PTPRU: variants seen among roughly 807,000 people sequenced by gnomAD.
The protein encoded by PTPRU is protein tyrosine phosphatase receptor type U, also known as receptor-type tyrosine-protein phosphatase U.
In PTPRU, 69 loss-of-function variants were observed where a neutral mutation model predicts 166.3. The observed-to-expected ratio is 0.41, with a 90% confidence interval of 0.34 to 0.51. The LOEUF is 0.51. Among genes scored for constraint, PTPRU ranks in the 20% least tolerant of loss-of-function variants. The pLI is 0.09. For synonymous variants in PTPRU, 793 were observed against 814.0 expected (o/e 0.97, Z 0.44); for missense variants, 1,657 against 2,013.7 (o/e 0.82, Z 3.39).
intron 14 of PTPRU, chr1:29,289,797 C>CT: frequency 6.7e-7 from 1 of 1,497,508 alleles, no homozygotes; most frequent in Non-Finnish European, 9.2e-7. Context: ...TGGGCTTAGT[C>CT]TCGCTGCACC....
In PTPRU at chr1:29,303,913, G is replaced by A; in HGVS notation, c.2535G>A (p.Arg845=). ...GCAGCCTCCTGGGGGGCTCCCCGAG[G>A]CGTCCCTGTGGCCGGAAGGGCTCCC... ...EASSLLGGSP[R]RPCGRKGSPY... The change falls in exon 16 of 30, where the codon AGG becomes AGA. Residue 845 remains arginine (R), a synonymous_variant. Coordinates refer to ENST00000373779, the MANE Select transcript of PTPRU (RefSeq NM_133178.4). The A allele has an allele frequency of 1.9e-6, 3 of 1,613,866 alleles. No individual in the cohort carries two copies. Among genetic ancestry groups the A allele is most frequent in the Non-Finnish European group, 2.5e-6 (3 of 1,179,764 alleles).
In PTPRU at chr1:29,274,031, G is replaced by A. The variant is rs145070249; in HGVS notation, c.1145-1417G>A. 8.4e-3 allele frequency among the ~76,000 whole-genome samples: 1,275 copies of A among 152,164 alleles called. 20 individuals are homozygous for A. The highest frequency in any genetic ancestry group is 0.029 in the African/African-American group (1,215 of 41,526). On this transcript the variant is annotated intron_variant, in intron 7 of 29. Coordinates refer to ENST00000373779, the MANE Select transcript of PTPRU (RefSeq NM_133178.4). ...GATTACAAGGATTAAATGAGATAAA[G>A]CATTTTTTGTTTTTTTTGGGACGGA...
intron 1 of PTPRU, among the ~76,000 whole-genome samples, chr1:29,246,739 C>T (rs1352704140): frequency 6.6e-6 from 1 of 152,104 alleles, no homozygotes; most frequent in African/African-American, 2.4e-5. Context: ...CCTCCGCCTC[C>T]TGAGTAGCTG....
intron 8 of PTPRU, among the ~76,000 whole-genome samples, chr1:29,277,352 T>C (rs750344644): frequency 5.9e-5 from 9 of 152,154 alleles, no homozygotes; most frequent in Non-Finnish European, 7.4e-5. Flanking sequence ...CTGCCCACCT[T>C]GGCCCTGCAA....
At position 29,255,306 on chromosome 1, in the gene PTPRU, A is replaced by G. The variant is rs770459736; in HGVS notation, c.105A>G (p.Pro35=). 1 of 1,614,092 alleles carries G rather than the reference A, an allele frequency of 6.2e-7. No homozygotes were observed. Among genetic ancestry groups the G allele is most frequent in the Non-Finnish European group, 8.5e-7 (1 of 1,179,988 alleles). Residue 35 remains proline (P), a synonymous_variant, in exon 2 of 30, where the codon CCA becomes CCG. Transcript: ENST00000373779. ...GCACCTTCGAGGAGGCAAGTGACCC[A>G]GCAGTGCCCTGCGAGTACAGCCAGG... is the stretch of plus-strand genomic sequence containing the variant. ...AGCTFEEASD[P]AVPCEYSQAQ...
In PTPRU at chr1:29,270,961, CACAA is replaced by C. The variant is rs775945215; in HGVS notation, c.1145-4477_1145-4474del. ...TGAGACTGTGTCTCAAAAAAACAAA[CACAA>C]ACAAACAAAGAAAAAAAAGAACTAA... is the stretch of plus-strand genomic sequence containing the variant. On this transcript the variant is annotated intron_variant, in intron 7 of 29. Transcript: ENST00000373779. Among the ~76,000 whole-genome samples, 7 of 152,076 alleles carry C rather than the reference CACAA, an allele frequency of 4.6e-5. No homozygotes were observed. The South Asian group carries it at 6.2e-4, about 14-fold the overall frequency.
At chr1:29,304,468 C>T (rs957102560) in intron 16 of PTPRU, among the ~76,000 whole-genome samples, 4 of 152,152 alleles carry the variant, frequency 2.6e-5, no homozygotes, top group Non-Finnish European at 5.9e-5. Flanking sequence ...CTAAATCTGA[C>T]CTCACCTTTA....
intron 28 of PTPRU, 107 bp downstream of exon 28, chr1:29,323,895 A>C: frequency 1.5e-6 from 2 of 1,350,992 alleles, no homozygotes; most frequent in South Asian, 3.0e-5. Flanking sequence ...GCTGGCACCG[A>C]AACCCCTGGG....
chr1:29,320,903 C>T lies in PTPRU; in HGVS notation c.3828+78C>T. ...GTATTCAGGGCCATGGTCCCCAAAG[C>T]CAAAAGTTGGGTCCCAGCTCTGCCA... On this transcript the variant is annotated intron_variant, in intron 26 of 29. Coordinates refer to ENST00000373779, the MANE Select transcript of PTPRU (RefSeq NM_133178.4). This position sits in a 1 kb window ranked among gnomAD's most constrained non-coding sequence, Gnocchi z 5.2. 1 of 1,390,790 alleles carries T rather than the reference C, an allele frequency of 7.2e-7. No individual in the cohort carries two copies. The allele number at this position is 1,390,790 out of a possible 1,614,324, so 86.2% of individuals were successfully genotyped here.
At chr1:29,258,818 G>A (rs1261453487) in intron 3 of PTPRU, 42 bp downstream of exon 3, 2 of 1,527,396 alleles carry the variant, frequency 1.3e-6, no homozygotes, top group Admixed American at 2.2e-5. Context: ...GCCTGGAGGT[G>A]GGGCAGATGG....
chr1:29,236,728 G>T lies in PTPRU; in HGVS notation c.73+11G>T. On this transcript the variant is annotated intron_variant, in intron 1 of 29. Coordinates refer to ENST00000373779, the MANE Select transcript of PTPRU (RefSeq NM_133178.4). The surrounding 1 kb of genome is among the most constrained non-coding windows in gnomAD (Gnocchi z 4.6). ...CCGAGACTCCGGCAGGTAAGCGCGCGGCGGCCGGACCGAGCCTGCCCCGCC... is the reference window on the plus strand; with the variant it reads ...CCGAGACTCCGGCAGGTAAGCGCGCTGCGGCCGGACCGAGCCTGCCCCGCC... 1 of 1,425,666 alleles carries T rather than the reference G, an allele frequency of 7.0e-7. No individual in the cohort carries two copies. Among genetic ancestry groups the T allele is most frequent in the Non-Finnish European group, 9.2e-7 (1 of 1,092,392 alleles). The allele number at this position is 1,425,666 out of a possible 1,614,324, so 88.3% of individuals were successfully genotyped here. A position where few individuals can be genotyped will look rare whatever the true frequency, so the allele number is the denominator to read the frequency against.
chr1:29,294,937 G>T (rs72651213), intron 15 of PTPRU, among the ~76,000 whole-genome samples: 1 of 152,102 alleles, frequency 6.6e-6, no homozygotes, highest in Non-Finnish European at 1.5e-5. Flanking sequence ...CTAACCACAC[G>T]GTCTAATTAT....
At chr1:29,277,930 C>CA (rs1685891543) in intron 8 of PTPRU, among the ~76,000 whole-genome samples, 2 of 148,292 alleles carry the variant, frequency 1.3e-5, no homozygotes, top group Admixed American at 1.4e-4. Flanking sequence ...GCGATTCTCC[C>CA]ACCTCAGCCT....
chr1:29,302,616 C>A (rs1015820602), intron 15 of PTPRU, among the ~76,000 whole-genome samples: 1 of 152,120 alleles, frequency 6.6e-6, no homozygotes, highest in Non-Finnish European at 1.5e-5. Flanking sequence ...GTGGCGCGAT[C>A]TTGGCTCACT....
intron 17 of PTPRU, 133 bp downstream of exon 17, chr1:29,304,982 C>G: frequency 1.4e-6 from 1 of 715,994 alleles, no homozygotes. Flanking sequence ...GAGGGCCTAC[C>G]ACACGTCACG....
intron 18 of PTPRU, chr1:29,307,083 A>G: frequency 6.2e-7 from 1 of 1,605,016 alleles, no homozygotes; most frequent in Non-Finnish European, 8.5e-7. Context: ...CTGGCCTAAT[A>G]TCTGTCTCTT....
chr1:29,310,722 G>C (rs748985798), intron 18 of PTPRU, 22 bp from the exon 19 acceptor site: 6 of 1,611,750 alleles, frequency 3.7e-6, no homozygotes, highest in East Asian at 4.5e-5. Flanking sequence ...GGGTCTAACC[G>C]TGCCCTCTCC....
At chr1:29,263,228 G>A (rs996479977) in intron 7 of PTPRU, among the ~76,000 whole-genome samples, 22 of 152,222 alleles carry the variant, frequency 1.4e-4, no homozygotes, top group Middle Eastern at 3.4e-3. Context: ...GAGGTGATCC[G>A]CCTGCCTTAG....
At position 29,282,641 on chromosome 1, in the gene PTPRU, C is replaced by T. The variant is rs770493228; in HGVS notation, c.1869-35C>T. The T allele has an allele frequency of 1.8e-5, 28 of 1,589,312 alleles. No homozygotes were observed. In the South Asian group the frequency reaches 3.2e-4, roughly 18 times the overall value. ...GCTGGCTCTCCCAGTCCTCTGGCCGCCTGTGATCCCCTGTACGCTCTCCTC... is the reference window on the plus strand; with the variant it reads ...GCTGGCTCTCCCAGTCCTCTGGCCGTCTGTGATCCCCTGTACGCTCTCCTC... On this transcript the variant is annotated intron_variant, in intron 11 of 29. Transcript: ENST00000373779.
Sources: gnomAD v4.1 joint callset for allele counts (sites outside exome capture counted in the v4.1 genomes callset) on GRCh38, gnomAD v4.1.1 for gene constraint, Gnocchi (gnomAD v3.1) non-coding constraint, MANE v1.5 for transcripts, NCBI Gene and HGNC (gene_info 2026-07-23, HGNC 2026-07-21) for gene names.